SLC22A9: variants seen among roughly 807,000 people sequenced by gnomAD.
SLC22A9 encodes the protein organic anion transporter 7.
A neutral mutation model predicts 50.1 loss-of-function variants in SLC22A9; 64 were observed. That is an observed-to-expected ratio of 1.28 (90% confidence interval 1.04 to 1.57). The LOEUF is 1.57. Ranked by LOEUF, SLC22A9 falls within the 40% of genes most tolerant of loss-of-function variation. SLC22A9 has a pLI of 0.00. For missense variants in SLC22A9, 757 were observed against 676.1 expected, an observed-to-expected ratio of 1.12 and a Z score of -1.33; for synonymous variants, 261 against 242.5, an observed-to-expected ratio of 1.08 and a Z score of -0.71.
intron 6 of SLC22A9, among the ~76,000 whole-genome samples, chr11:63,404,528 C>A (rs1396257546): frequency 6.6e-6 from 1 of 152,004 alleles, no homozygotes; most frequent in Non-Finnish European, 1.5e-5. Flanking sequence ...ATTTTTATCA[C>A]AATATTTTAA....
intron 6 of SLC22A9, among the ~76,000 whole-genome samples, chr11:63,382,953 C>G (rs981422793): frequency 1.3e-5 from 2 of 152,206 alleles, no homozygotes; most frequent in African/African-American, 4.8e-5. Context: ...AGAGAACACC[C>G]TGGCCTATGA....
At chr11:63,402,540 G>C (rs925568811) in intron 6 of SLC22A9, among the ~76,000 whole-genome samples, 1 of 151,934 alleles carries the variant, frequency 6.6e-6, no homozygotes, top group Admixed American at 6.6e-5. Flanking sequence ...TTTGAAATCA[G>C]GTAGTGTGAT....
intron 2 of SLC22A9, among the ~76,000 whole-genome samples, chr11:63,372,569 G>A (rs1315839671): frequency 1.3e-5 from 2 of 152,024 alleles, no homozygotes; most frequent in Non-Finnish European, 2.9e-5. Context: ...ATTTCCTTTA[G>A]ATTTCTATTG....
At chr11:63,397,457 C>T (rs1019234144) in intron 6 of SLC22A9, among the ~76,000 whole-genome samples, 2 of 152,140 alleles carry the variant, frequency 1.3e-5, no homozygotes, top group Admixed American at 6.5e-5. Context: ...TCATGTTATT[C>T]CCTTCACGGT....
At chr11:63,404,443 A>G (rs894788314) in intron 6 of SLC22A9, among the ~76,000 whole-genome samples, 2 of 152,180 alleles carry the variant, frequency 1.3e-5, no homozygotes, top group Non-Finnish European at 2.9e-5. Flanking sequence ...AAATTTGTTA[A>G]GTAGGTAAAT....
At chr11:63,397,738 G>T (rs947955766) in intron 6 of SLC22A9, among the ~76,000 whole-genome samples, 11 of 152,072 alleles carry the variant, frequency 7.2e-5, no homozygotes, top group Admixed American at 5.9e-4. Flanking sequence ...GTCAGCTTGT[G>T]TGAATGCTGC....
intron 7 of SLC22A9, among the ~76,000 whole-genome samples, chr11:63,407,035 G>A (rs575572161): frequency 2.0e-5 from 3 of 152,242 alleles, no homozygotes; most frequent in Admixed American, 6.5e-5. Context: ...AATGAGTATT[G>A]AGGTATAGGC....
At chr11:63,404,665 C>A (rs931107564) in intron 6 of SLC22A9, among the ~76,000 whole-genome samples, 1 of 152,188 alleles carries the variant, frequency 6.6e-6, no homozygotes, top group Non-Finnish European at 1.5e-5. Context: ...TCACGCAATA[C>A]TTTTCCTTCA....
chr11:63,381,761 G>A (rs1309755506), intron 5 of SLC22A9, among the ~76,000 whole-genome samples: 2 of 152,166 alleles, frequency 1.3e-5, no homozygotes, highest in Non-Finnish European at 2.9e-5. Flanking sequence ...TTCACCAGGG[G>A]CAGTGAGCTG....
chr11:63,378,227 C>CAG (rs1469835627), intron 5 of SLC22A9, among the ~76,000 whole-genome samples: 1 of 137,248 alleles, frequency 7.3e-6, no homozygotes, highest in Non-Finnish European at 1.5e-5. Flanking sequence ...CAAAACCTGG[C>CAG]AGAGAAAAAA....
chr11:63,370,221 C>A lies in SLC22A9; in HGVS notation c.165C>A (p.Asp55Glu), dbSNP rs1374955823. The change falls in exon 1 of 10, where the codon GAC becomes GAA. Residue 55 changes from aspartate to glutamate, a missense_variant. Transcript: ENST00000279178. ...PGHRCWVHIL[D>E]NDTVSDNDTG... ...ATCGCTGCTGGGTCCACATCCTGGACAATGACACTGTCTCTGACAATGACA... is the reference window on the plus strand; with the variant it reads ...ATCGCTGCTGGGTCCACATCCTGGAAAATGACACTGTCTCTGACAATGACA... The A allele has an allele frequency of 6.2e-7, 1 of 1,614,072 alleles. No individual in the cohort carries two copies. The highest frequency in any genetic ancestry group is 8.5e-7 in the Non-Finnish European group (1 of 1,179,940).
chr11:63,401,306 G>A (rs770081366), intron 6 of SLC22A9, among the ~76,000 whole-genome samples: 11 of 151,916 alleles, frequency 7.2e-5, no homozygotes, highest in South Asian at 6.2e-4. Flanking sequence ...CAGTAAAGTC[G>A]CAGGATACAA....
intron 5 of SLC22A9, among the ~76,000 whole-genome samples, chr11:63,377,194 T>G (rs1420140569): frequency 1.3e-5 from 2 of 152,034 alleles, no homozygotes; most frequent in Non-Finnish European, 2.9e-5. Flanking sequence ...CTTGACCAAA[T>G]GGACCTAACA....
At chr11:63,385,844 G>T (rs2014655291) in intron 6 of SLC22A9, among the ~76,000 whole-genome samples, 1 of 152,110 alleles carries the variant, frequency 6.6e-6, no homozygotes, top group Non-Finnish European at 1.5e-5. Flanking sequence ...AATAGGAATG[G>T]TGAAAGAGGG....
chr11:63,405,363 A>C (rs994863461), intron 6 of SLC22A9, among the ~76,000 whole-genome samples: 3 of 152,182 alleles, frequency 2.0e-5, no homozygotes, highest in African/African-American at 7.2e-5. Context: ...AAGGGCGACT[A>C]AGCCCTGCTG....
rs1565181297 is a variant in SLC22A9, at chr11:63,374,019, C to G, written c.787C>G (p.Leu263Val). ...FAIRDWHILQLVVSVPYFVIF... is the reference protein window; with the variant it reads ...FAIRDWHILQVVVSVPYFVIF... ...CATTCGAGACTGGCATATCCTCCAG[C>G]TGGTGGTGTCTGTACCATACTTTGT... The change falls in exon 4 of 10, where the codon CTG becomes GTG. Residue 263 changes from leucine to valine, a missense_variant. Physicochemically the swap from Leu to Val is conservative, Grantham distance 32. Transcript: ENST00000279178. 2 of 1,613,466 alleles carry G rather than the reference C, an allele frequency of 1.2e-6. No homozygotes were observed. Among genetic ancestry groups the G allele is most frequent in the Admixed American group, 1.7e-5 (1 of 59,868 alleles).
intron 6 of SLC22A9, 152 bp downstream of exon 6, chr11:63,382,429 A>C (rs930625502): frequency 1.7e-6 from 1 of 585,358 alleles, no homozygotes; most frequent in Middle Eastern, 2.9e-4. Context: ...ATGTAGTAAA[A>C]GAGTTGTGAA....
intron 6 of SLC22A9, among the ~76,000 whole-genome samples, chr11:63,388,068 G>A (rs965052116): frequency 1.3e-5 from 2 of 151,980 alleles, no homozygotes; most frequent in African/African-American, 4.8e-5. Context: ...TAGCTTTGTG[G>A]TGGGGTCTTT....
intron 6 of SLC22A9, among the ~76,000 whole-genome samples, 173 bp from the exon 7 acceptor site, chr11:63,406,324 A>G (rs957252794): frequency 6.6e-6 from 1 of 152,170 alleles, no homozygotes; most frequent in South Asian, 2.1e-4. Context: ...CCATAATGTT[A>G]TCATTATCAC....
Sources: allele counts gnomAD v4.1 joint callset (sites outside exome capture counted in the v4.1 genomes callset), GRCh38; gene constraint gnomAD v4.1.1; transcripts MANE v1.5; gene names NCBI Gene and HGNC (gene_info 2026-07-23, HGNC 2026-07-21).